The following YAP1 variants were observed in gnomAD, a reference collection of about 807,000 sequenced individuals.
The protein encoded by YAP1 is Yes1 associated transcriptional regulator.
Under a neutral mutation model 56.9 loss-of-function variants are expected in YAP1, and 5 were observed. The ratio of observed to expected loss-of-function variants is 0.09; its 90% CI spans 0.05 to 0.18. The LOEUF is 0.18. YAP1 is among the 10% of genes least tolerant of loss of function. The probability of loss-of-function intolerance (pLI) is 1.00; values close to 1 mark genes in which losing one functional copy is unlikely to be tolerated. For synonymous variants in YAP1, 265 were observed against 248.1 expected, an observed-to-expected ratio of 1.07 and a Z score of -0.64; for missense variants, 539 against 651.8, an observed-to-expected ratio of 0.83 and a Z score of 1.88.
chr11:102,177,244 A>G (rs1257933556), intron 3 of YAP1, among the ~76,000 whole-genome samples: 1 of 152,154 alleles, frequency 6.6e-6, no homozygotes, highest in Non-Finnish European at 1.5e-5. Context: ...GCAGTGCTAT[A>G]TAATGCCTGA....
At chr11:102,166,271 G>A (rs1238207351) in intron 3 of YAP1, among the ~76,000 whole-genome samples, 1 of 152,162 alleles carries the variant, frequency 6.6e-6, no homozygotes, top group Non-Finnish European at 1.5e-5. Flanking sequence ...TATCTTTACA[G>A]CACATGCCTC....
chr11:102,115,634 G>A (rs1174888106), intron 2 of YAP1, among the ~76,000 whole-genome samples: 2 of 150,478 alleles, frequency 1.3e-5, no homozygotes, highest in Admixed American at 1.3e-4. Flanking sequence ...CTGGTGTCCT[G>A]GTATCCATTT....
At chr11:102,118,720 C>T (rs917155322) in intron 2 of YAP1, among the ~76,000 whole-genome samples, 2 of 147,210 alleles carry the variant, frequency 1.4e-5, no homozygotes, top group African/African-American at 5.0e-5. Flanking sequence ...CACTCCACAC[C>T]AGCCTGGGCG....
intron 6 of YAP1, among the ~76,000 whole-genome samples, chr11:102,222,865 C>CT (rs1298036670): frequency 1.9e-4 from 25 of 134,622 alleles, no homozygotes; most frequent in Admixed American, 8.0e-4. Flanking sequence ...CTTCCTACTT[C>CT]TTTTTTTTTG....
In YAP1 at chr11:102,111,000, G is replaced by A; in HGVS notation, c.152G>A (p.Gly51Glu). The change falls in exon 1 of 9, where the codon GGG (glycine) becomes GAG (glutamate). Residue 51 changes from glycine (G) to glutamate (E), a missense_variant. Gly to Glu is a moderately conservative substitution (Grantham distance 98). This residue lies in a region of YAP1 where 106 missense variants were observed against 86.6 expected (regional missense o/e 1.22). Transcript: ENST00000282441. ...GCGGCGCCGCAGGCACCCCCCGCCG[G>A]GCATCAGATCGTGCACGTCCGCGGG... ...TQAAPQAPPA[G>E]HQIVHVRGDS... 2.5e-6 allele frequency: 4 copies of A among 1,572,328 alleles called. No homozygotes were observed. The highest frequency in any genetic ancestry group is 3.4e-6 in the Non-Finnish European group (4 of 1,161,846).
intron 3 of YAP1, among the ~76,000 whole-genome samples, chr11:102,184,394 G>A (rs539750945): frequency 6.6e-6 from 1 of 152,302 alleles, no homozygotes; most frequent in East Asian, 1.9e-4. Context: ...AAACAGGTTT[G>A]CTTCTCATTC....
At chr11:102,183,486 G>C (rs1947752538) in intron 3 of YAP1, among the ~76,000 whole-genome samples, 1 of 152,160 alleles carries the variant, frequency 6.6e-6, no homozygotes, top group Non-Finnish European at 1.5e-5. Context: ...AGTGAGAAGA[G>C]ATGACAAGCC....
intron 4 of YAP1, among the ~76,000 whole-genome samples, chr11:102,191,562 C>G (rs1226678218): frequency 6.6e-6 from 1 of 152,188 alleles, no homozygotes; most frequent in Non-Finnish European, 1.5e-5. Flanking sequence ...AATGCTGATA[C>G]ATGAAAATTT....
At chr11:102,154,845 G>A (rs1488652303) in intron 2 of YAP1, among the ~76,000 whole-genome samples, 2 of 152,182 alleles carry the variant, frequency 1.3e-5, no homozygotes, top group Non-Finnish European at 2.9e-5. Flanking sequence ...AATACGCAAT[G>A]GATATGGTTT....
chr11:102,111,567 C>A (rs1168391656), intron 1 of YAP1, among the ~76,000 whole-genome samples: 1 of 150,920 alleles, frequency 6.6e-6, no homozygotes, highest in Admixed American at 6.6e-5. Context: ...CGCGCGCCTC[C>A]GCGCGCTCCG....
intron 2 of YAP1, among the ~76,000 whole-genome samples, chr11:102,146,398 A>C (rs1324835550): frequency 8.5e-5 from 13 of 152,170 alleles, no homozygotes; most frequent in Non-Finnish European, 8.8e-5. Context: ...AATTGGATGT[A>C]CTGAAGAGAT....
At position 102,211,664 on chromosome 11, in the gene YAP1, G is replaced by T. The variant is rs535176953; in HGVS notation, c.1032+2100G>T. On this transcript the variant is annotated intron_variant, in intron 6 of 8. Coordinates refer to ENST00000282441, the MANE Select transcript of YAP1 (RefSeq NM_001130145.3). ...CTATTATTTTCTAAATAACCTTAAG[G>T]TAGATGTCAGGAAATAGATCACAAA... Among the ~76,000 whole-genome samples, 9 of 151,868 alleles carry T rather than the reference G, an allele frequency of 5.9e-5. No homozygotes were observed. In the East Asian group the frequency reaches 1.7e-3, roughly 29 times the overall value.
chr11:102,112,734 A>C, intron 1 of YAP1: 1 of 985,186 alleles, frequency 1.0e-6, no homozygotes, highest in South Asian at 4.7e-5. Context: ...TAAACACTTC[A>C]ATTTGTCTTA....
In YAP1 at chr11:102,207,015, A is replaced by AAT. The variant is rs142257900; in HGVS notation, c.984+949_984+950dup. On this transcript the variant is annotated intron_variant, in intron 5 of 8. Coordinates refer to ENST00000282441, the MANE Select transcript of YAP1 (RefSeq NM_001130145.3). ...AGGTACTGTTGGTTTTTATGTTCCTAATATATATAATTAATCTCAACATTA... is the reference window on the plus strand; with the variant it reads ...AGGTACTGTTGGTTTTTATGTTCCTAATATATATATAATTAATCTCAACATTA... Among the ~76,000 whole-genome samples the AAT allele has an allele frequency of 3.6e-3, 541 of 152,252 alleles. 2 individuals carry two copies. The highest frequency in any genetic ancestry group is 0.012 in the African/African-American group (516 of 41,538).
intron 4 of YAP1, among the ~76,000 whole-genome samples, chr11:102,204,138 G>A (rs888928624): frequency 6.6e-6 from 1 of 150,648 alleles, no homozygotes; most frequent in Admixed American, 6.7e-5. Flanking sequence ...ATGCTCGCCT[G>A]CAGTCTCAGC....
intron 2 of YAP1, among the ~76,000 whole-genome samples, chr11:102,124,340 G>GA (rs1366852083): frequency 2.0e-5 from 3 of 152,142 alleles, no homozygotes; most frequent in Non-Finnish European, 4.4e-5. Context: ...TTGGGGGTCT[G>GA]AAATTTCATG....
chr11:102,122,895 C>CAAAAAAAAAAAAAAAA (rs56934997), intron 2 of YAP1, among the ~76,000 whole-genome samples: 22 of 79,450 alleles, frequency 2.8e-4, no homozygotes, highest in Non-Finnish European at 3.4e-4. Context: ...AGACTTCTCT[C>CAAAAAAAAAAAAAAAA]AAAAAAAAAA....
intron 3 of YAP1, among the ~76,000 whole-genome samples, chr11:102,181,440 CG>C (rs1947617389): frequency 6.6e-6 from 1 of 151,912 alleles, no homozygotes; most frequent in Admixed American, 6.5e-5. Flanking sequence ...AGCGAGACTC[CG>C]TCTCAAAAAT....
Position 102,206,066 on chromosome 11 carries a change from C to G in YAP1, c.976C>G (p.Leu326Val), listed in dbSNP as rs747115311. ...ERLRLKQQEL[L>V]RQAMRNINPS... ...GCTGCGGCTGAAACAGCAAGAACTG[C>G]TTCGGCAGGTGAGGCCACAGGTTAG... Residue 326 changes from leucine (L) to valine (V), a missense_variant, in exon 5 of 9, where the codon CTT becomes GTT. Physicochemically the swap from Leu to Val is conservative, Grantham distance 32. Around this residue, in one of 4 missense-constraint regions of YAP1, gnomAD observed 414 missense variants for 512.4 expected, o/e 0.81. Coordinates refer to ENST00000282441, the MANE Select transcript of YAP1 (RefSeq NM_001130145.3). The G allele has an allele frequency of 3.1e-6, 5 of 1,613,106 alleles. No homozygotes were observed. The highest frequency in any genetic ancestry group is 4.2e-6 in the Non-Finnish European group (5 of 1,179,326).
Sources: allele counts gnomAD v4.1 joint callset (sites outside exome capture counted in the v4.1 genomes callset), GRCh38; gene constraint gnomAD v4.1.1; regional missense constraint gnomAD v4.1.1; transcripts MANE v1.5; gene names NCBI Gene and HGNC (gene_info 2026-07-23, HGNC 2026-07-21).